Variants in LMNA observed in about 807,000 individuals in gnomAD.
LMNA encodes the protein lamin A/C.
A neutral mutation model predicts 70.4 loss-of-function variants in LMNA; 20 were observed. The observed-to-expected ratio is 0.28, with a 90% CI of 0.20 to 0.41. LMNA has a LOEUF of 0.41. Among genes scored for constraint, LMNA ranks in the 10% least tolerant of loss-of-function variants. The pLI is 1.00. For missense variants in LMNA, 652 were observed against 917.2 expected (o/e 0.71, Z 3.73); for synonymous variants, 339 against 372.8 (o/e 0.91, Z 1.04).
At chr1:156,107,678 G>T (rs950100313) in intron 3 of LMNA, among the ~76,000 whole-genome samples, 3 of 152,102 alleles carry the variant, frequency 2.0e-5, no homozygotes, top group African/African-American at 4.8e-5. Context: ...CTAAGGGCCC[G>T]CTTCTCACCC....
In LMNA at chr1:156,136,293, G is replaced by A. The variant is rs766811975; in HGVS notation, c.1237G>A (p.Gly413Ser). The change falls in exon 7 of 12, where the codon GGC (glycine) becomes AGC (serine). Residue 413 changes from glycine (G) to serine (S), a missense_variant. Gly to Ser is a moderately conservative substitution (Grantham distance 56). Transcript: ENST00000368300. This position sits in a 1 kb window ranked among gnomAD's most constrained non-coding sequence, Gnocchi z 6.1. The stretch of plus-strand genomic sequence containing the variant: ...TCACTCATCCCAGACACAGGGTGGG[G>A]GCAGCGTCACCAAAAAGCGCAAACT... ...SSHSSQTQGG[G>S]SVTKKRKLES... 17 of 1,612,098 alleles carry A rather than the reference G, an allele frequency of 1.1e-5. No homozygotes were observed. The highest frequency in any genetic ancestry group is 1.4e-5 in the Non-Finnish European group (17 of 1,180,030).
In LMNA at chr1:156,136,961, G is replaced by GAGA. The variant is rs267607579; in HGVS notation, c.1422_1424dup (p.Gly474_Asp475insGlu). 5 of 1,614,200 alleles carry GAGA rather than the reference G, an allele frequency of 3.1e-6. No homozygotes were observed. The highest frequency in any genetic ancestry group is 4.2e-6 in the Non-Finnish European group (5 of 1,180,030). ...AATTGGCAGATCAAGCGCCAGAATG[G>GAGA]AGATGATCCCTTGCTGACTTACCGG... On this transcript the variant is annotated inframe_insertion, in exon 8 of 12. Transcript: ENST00000368300. The surrounding 1 kb of genome is among the most constrained non-coding windows in gnomAD (Gnocchi z 6.1).
Position 156,136,442 on chromosome 1 carries a change from C to T in LMNA, c.1380+6C>T, listed in dbSNP as rs1187732494. Reference sequence around the variant, plus strand: ...TGCGCAACAAGTCCAATGAGGTAGGCTCCTGCTCAGGGTCTAAGGGGATAC... The same window carrying T: ...TGCGCAACAAGTCCAATGAGGTAGGTTCCTGCTCAGGGTCTAAGGGGATAC... On this transcript the variant is annotated splice_donor_region_variant and intron_variant, in intron 7 of 11. Coordinates refer to ENST00000368300, the MANE Select transcript of LMNA (RefSeq NM_170707.4). This position sits in a 1 kb window ranked among gnomAD's most constrained non-coding sequence, Gnocchi z 6.1. The T allele has an allele frequency of 6.4e-7, 1 of 1,564,762 alleles. No individual in the cohort carries two copies. The highest frequency in any genetic ancestry group is 2.4e-5 in the East Asian group (1 of 41,856).
intron 1 of LMNA, among the ~76,000 whole-genome samples, chr1:156,116,724 C>G (rs1206364829): frequency 6.6e-6 from 1 of 151,286 alleles, no homozygotes; most frequent in Non-Finnish European, 1.5e-5. Flanking sequence ...GCCACCATGC[C>G]GGGCTAATTT....
intron 1 of LMNA, among the ~76,000 whole-genome samples, chr1:156,127,518 T>G (rs1002624800): frequency 2.3e-5 from 3 of 132,088 alleles, no homozygotes; most frequent in Admixed American, 2.2e-4. Context: ...TGTTTTTTTT[T>G]TTTTTTTTTT....
chr1:156,121,839 C>T (rs550500149), intron 1 of LMNA, among the ~76,000 whole-genome samples: 1 of 152,224 alleles, frequency 6.6e-6, no homozygotes, highest in East Asian at 1.9e-4. Context: ...TGGAAGATTG[C>T]AGGGTCTCTT....
rs1331483345 is a variant in LMNA at position 156,130,784 on chromosome 1, C to A, written c.513+11C>A. The stretch of plus-strand genomic sequence containing the variant: ...GGCCAGGTGGCCAAGGTGAGGCCAC[C>A]CTGCAGGGCCCACCCATGGCCCCAC... On this transcript the variant is annotated intron_variant, in intron 2 of 11. Coordinates refer to ENST00000368300, the MANE Select transcript of LMNA (RefSeq NM_170707.4). 2 of 1,565,736 alleles carry A rather than the reference C, an allele frequency of 1.3e-6. No individual in the cohort carries two copies. Among genetic ancestry groups the A allele is most frequent in the Non-Finnish European group, 1.7e-6 (2 of 1,155,326 alleles).
intron 1 of LMNA, among the ~76,000 whole-genome samples, chr1:156,117,081 T>A (rs1649879561): frequency 3.3e-5 from 1 of 30,380 alleles, no homozygotes; most frequent in Non-Finnish European, 7.6e-5. Context: ...ACATGGCTAT[T>A]TTTTTTTTTT....
Position 156,139,454 on chromosome 1 carries a change from G to A in LMNA, c.*348G>A. ...GAAAGGGGTGCTTTTATAGAGGCTAGCTTCTGCTTTTCTGCCCTGGCTGCT... is the reference window on the plus strand; with the variant it reads ...GAAAGGGGTGCTTTTATAGAGGCTAACTTCTGCTTTTCTGCCCTGGCTGCT... On this transcript the variant is annotated 3_prime_UTR_variant, in exon 12 of 12. Coordinates refer to ENST00000368300, the MANE Select transcript of LMNA (RefSeq NM_170707.4). 7.5e-7 allele frequency: 1 copy of A among 1,341,722 alleles called. No homozygotes were observed. Among genetic ancestry groups the A allele is most frequent in the Non-Finnish European group, 9.5e-7 (1 of 1,048,420 alleles). The allele number at this position is 1,341,722 out of a possible 1,614,324, so 83.1% of individuals were successfully genotyped here. A position where few individuals can be genotyped will look rare whatever the true frequency, so the allele number is the denominator to read the frequency against.
At chr1:156,093,299 AT>A (rs758670532) in intron 3 of LMNA, among the ~76,000 whole-genome samples, 1,305 of 113,932 alleles carry the variant, frequency 0.011, 14 homozygotes, top group African/African-American at 0.044. Context: ...TTATATGTCA[AT>A]TTTTTTTTTT....
intron 2 of LMNA, among the ~76,000 whole-genome samples, chr1:156,131,013 T>G (rs934811185): frequency 6.6e-6 from 1 of 152,184 alleles, no homozygotes; most frequent in African/African-American, 2.4e-5. Flanking sequence ...GGTTCACGCC[T>G]GTAATCCCAG....
In LMNA at chr1:156,134,924, G is replaced by C. The variant is rs764738988; in HGVS notation, c.759G>C (p.Glu253Asp). ...TGCAGGAACTGCGGGCCCAGCATGA[G>C]GACCAGGTGGAGCAGTATAAGAAGG... Reference protein sequence around the residue: ...DALQELRAQHEDQVEQYKKEL... With the variant: ...DALQELRAQHDDQVEQYKKEL... The change falls in exon 4 of 12, where the codon GAG (glutamate) becomes GAC (aspartate). Residue 253 changes from glutamate (E) to aspartate (D), a missense_variant. Glu to Asp is a conservative substitution (Grantham distance 45). This residue lies in a region of LMNA where 254 missense variants were observed against 421.9 expected (regional missense o/e 0.60). Coordinates refer to ENST00000368300, the MANE Select transcript of LMNA (RefSeq NM_170707.4). The surrounding 1 kb of genome is among the most constrained non-coding windows in gnomAD (Gnocchi z 5.3). The C allele has an allele frequency of 6.2e-7, 1 of 1,614,232 alleles. No individual in the cohort carries two copies. Among genetic ancestry groups the C allele is most frequent in the Non-Finnish European group, 8.5e-7 (1 of 1,180,042 alleles).
rs766856162 is a variant in LMNA, at chr1:156,134,455, G to A, written c.566G>A (p.Arg189Gln). 1.1e-5 allele frequency: 17 copies of A among 1,614,040 alleles called. No individual in the cohort carries two copies. The highest frequency in any genetic ancestry group is 5.3e-5 in the African/African-American group (4 of 74,934). The change falls in exon 3 of 12, where the codon CGG becomes CAG. Residue 189 changes from arginine to glutamine, a missense_variant. By Grantham distance (43) the Arg-to-Gln change is conservative. Around this residue, in one of 4 missense-constraint regions of LMNA, gnomAD observed 254 missense variants for 421.9 expected, o/e 0.60. Transcript: ENST00000368300. This position sits in a 1 kb window ranked among gnomAD's most constrained non-coding sequence, Gnocchi z 5.3. ...AKKQLQDEMLRRVDAENRLQT... is the reference protein window; with the variant it reads ...AKKQLQDEMLQRVDAENRLQT... Reference sequence around the variant, plus strand: ...AAGCAACTTCAGGATGAGATGCTGCGGCGGGTGGATGCTGAGAACAGGCTG... The same window carrying A: ...AAGCAACTTCAGGATGAGATGCTGCAGCGGGTGGATGCTGAGAACAGGCTG...
rs1651886248 is a variant in LMNA at position 156,138,812 on chromosome 1, GGGGTA to G, written c.1968+58_1968+62del. On this transcript the variant is annotated intron_variant, in intron 11 of 11. Coordinates refer to ENST00000368300, the MANE Select transcript of LMNA (RefSeq NM_170707.4). This position sits in a 1 kb window ranked among gnomAD's most constrained non-coding sequence, Gnocchi z 5.5. Reference sequence around the variant, plus strand: ...CTGCAGGCGGGTCCCTGGTCATCGAGGGGTAGGACGAGGTGGCCTTGCAGGGGGGA... The same window carrying G: ...CTGCAGGCGGGTCCCTGGTCATCGAGGGACGAGGTGGCCTTGCAGGGGGGA... The G allele has an allele frequency of 1.9e-6, 3 of 1,609,814 alleles. No homozygotes were observed. The highest frequency in any genetic ancestry group is 8.5e-7 in the Non-Finnish European group (1 of 1,177,788).
At chr1:156,084,372 C>G (rs1011101873) in intron 2 of LMNA, among the ~76,000 whole-genome samples, 3 of 132,466 alleles carry the variant, frequency 2.3e-5, no homozygotes, top group Non-Finnish European at 4.8e-5. Flanking sequence ...GATTTTTTTC[C>G]TTTGCTAGGC....
intron 1 of LMNA, among the ~76,000 whole-genome samples, chr1:156,128,792 A>G (rs572366440): frequency 5.3e-5 from 8 of 152,326 alleles, no homozygotes; most frequent in South Asian, 4.1e-4. Context: ...CTAGTTCTCT[A>G]AATTCTGAGA....
At chr1:156,130,873 T>G in intron 2 of LMNA, 100 bp downstream of exon 2, 2 of 1,155,944 alleles carry the variant, frequency 1.7e-6, no homozygotes, top group Non-Finnish European at 1.2e-6. Flanking sequence ...GTCTGACCTG[T>G]CACCTGATTT....
chr1:156,135,113 G>T lies in LMNA; in HGVS notation c.811-74G>T. The stretch of plus-strand genomic sequence containing the variant: ...TGGCCCAGGACCTGGGGCTGTAGCA[G>T]TGATGCCCAACTCAGGCCTGTGCCT... On this transcript the variant is annotated intron_variant, in intron 4 of 11. Coordinates refer to ENST00000368300, the MANE Select transcript of LMNA (RefSeq NM_170707.4). The surrounding 1 kb of genome is among the most constrained non-coding windows in gnomAD (Gnocchi z 4.8). 1 of 1,612,216 alleles carries T rather than the reference G, an allele frequency of 6.2e-7. No individual in the cohort carries two copies. Among genetic ancestry groups the T allele is most frequent in the South Asian group, 1.1e-5 (1 of 90,836 alleles).
At chr1:156,105,158 G>A (rs1649283449) in intron 3 of LMNA, among the ~76,000 whole-genome samples, 1 of 152,352 alleles carries the variant, frequency 6.6e-6, no homozygotes, top group South Asian at 2.1e-4. Flanking sequence ...CAAGCTTGGA[G>A]CTCACCCGGC....
Sources: gnomAD v4.1 joint callset for allele counts (sites outside exome capture counted in the v4.1 genomes callset) on GRCh38, gnomAD v4.1.1 for gene constraint, gnomAD v4.1.1 regional missense constraint, Gnocchi (gnomAD v3.1) non-coding constraint, MANE v1.5 for transcripts, NCBI Gene and HGNC (gene_info 2026-07-23, HGNC 2026-07-21) for gene names.